Variants in ASXL3 observed in about 807,000 individuals in gnomAD.
The protein encoded by ASXL3 is putative Polycomb group protein ASXL3.
A neutral mutation model predicts 170.6 loss-of-function variants in ASXL3; 34 were observed. That is an observed-to-expected ratio of 0.20 (90% CI 0.15 to 0.27). The LOEUF (loss-of-function observed/expected upper bound fraction) is 0.27, where lower values mean the gene tolerates loss of function less well. Ranked by LOEUF, ASXL3 falls within the 10% of genes least tolerant of loss-of-function variation. The pLI is 1.00. For synonymous variants in ASXL3, 1,002 were observed against 989.1 expected (o/e 1.01, Z -0.24); for missense variants, 2,592 against 2,695.3 (o/e 0.96, Z 0.85).
Position 33,715,811 on chromosome 18 carries a change from C to T in ASXL3, c.880-16157C>T, listed in dbSNP as rs546781306. Among the ~76,000 whole-genome samples the T allele has an allele frequency of 3.9e-5, 6 of 152,014 alleles. No individual in the cohort carries two copies. In the South Asian group the frequency reaches 6.2e-4, roughly 16 times the overall value. ...AATCTTTGAGACATAGGTAAAGAGA[C>T]GAGTGGTAGGTAATAAAGAGAAGGG... On this transcript the variant is annotated intron_variant, in intron 8 of 11. Coordinates refer to ENST00000269197, the MANE Select transcript of ASXL3 (RefSeq NM_030632.3).
chr18:33,643,354 G>C (rs2145196209), intron 2 of ASXL3, among the ~76,000 whole-genome samples: 1 of 151,936 alleles, frequency 6.6e-6, no homozygotes, highest in Admixed American at 6.6e-5. Context: ...AATATTTTGT[G>C]AGAGAAAATA....
At chr18:33,682,430 G>C (rs1276831082) in intron 7 of ASXL3, among the ~76,000 whole-genome samples, 1 of 152,132 alleles carries the variant, frequency 6.6e-6, no homozygotes, top group African/African-American at 2.4e-5. Flanking sequence ...ATTTTCTTGG[G>C]TCTCATGATT....
intron 1 of ASXL3, among the ~76,000 whole-genome samples, chr18:33,605,890 A>G (rs201742554): frequency 4.6e-5 from 7 of 151,340 alleles, no homozygotes; most frequent in African/African-American, 9.7e-5. Context: ...GTCTGTGTCT[A>G]TTGACCTCCT....
At chr18:33,602,059 T>C (rs12103992) in intron 1 of ASXL3, among the ~76,000 whole-genome samples, 28,343 of 151,606 alleles carry the variant, frequency 0.19, 3,168 homozygotes, top group African/African-American at 0.31. Context: ...ACCTGAGCCT[T>C]CCAAATTGTT....
intron 8 of ASXL3, among the ~76,000 whole-genome samples, chr18:33,703,753 G>A (rs2066916483): frequency 6.6e-6 from 1 of 152,088 alleles, no homozygotes; most frequent in Non-Finnish European, 1.5e-5. Flanking sequence ...GAATGGATGG[G>A]TCAGAACTTA....
chr18:33,627,398 G>A (rs1011030653), intron 2 of ASXL3, among the ~76,000 whole-genome samples: 2 of 152,140 alleles, frequency 1.3e-5, no homozygotes, highest in African/African-American at 4.8e-5. Flanking sequence ...AACAGTTTGT[G>A]TAAACTGTGG....
chr18:33,667,735 C>T lies in ASXL3; in HGVS notation c.478-2938C>T, dbSNP rs911748658. 3.9e-5 allele frequency among the ~76,000 whole-genome samples: 6 copies of T among 152,246 alleles called. No individual in the cohort carries two copies. The South Asian group carries it at 1.2e-3, about 32-fold the overall frequency. ...AAGTTACCCTACTTCATCTTTCTGG[C>T]ATAATTTTCTTAGCACTTATATGTG... On this transcript the variant is annotated intron_variant, in intron 5 of 11. Transcript: ENST00000269197.
Position 33,738,995 on chromosome 18 carries a change from A to G in ASXL3, c.1591A>G (p.Thr531Ala), listed in dbSNP as rs201237497. Residue 531 changes from threonine to alanine, a missense_variant, in exon 11 of 12, where the codon ACA becomes GCA. Physicochemically the swap from Thr to Ala is moderately conservative, Grantham distance 58. Transcript: ENST00000269197. ...GKSESPQEEM[T>A]VVIDQLEVCD... ...GTCAGAATCACCCCAGGAAGAAATG[A>G]CAGTTGTTATCGATCAGTTAGAAGT... The G allele has an allele frequency of 1.5e-4, 241 of 1,613,788 alleles. No individual in the cohort carries two copies. Among genetic ancestry groups the G allele is most frequent in the Admixed American group, 8.3e-5 (5 of 59,948 alleles).
At position 33,734,433 on chromosome 18, in the gene ASXL3, T is replaced by C. The variant is rs921187169; in HGVS notation, c.1082+18T>C. 2.7e-6 allele frequency: 4 copies of C among 1,478,312 alleles called. No homozygotes were observed. The South Asian group carries it at 5.0e-5, about 18-fold the overall frequency. 91.6% of individuals were successfully genotyped at this position (1,478,312 alleles called of 1,614,324 possible). ...GGAGAAAAGTAAGTACTAGAGTATT[T>C]TTTCTCATTTCTCTGAGAAAGAAAT... On this transcript the variant is annotated intron_variant, in intron 10 of 11. Coordinates refer to ENST00000269197, the MANE Select transcript of ASXL3 (RefSeq NM_030632.3).
intron 7 of ASXL3, among the ~76,000 whole-genome samples, chr18:33,681,267 C>A (rs1301337129): frequency 6.6e-6 from 1 of 152,014 alleles, no homozygotes; most frequent in Non-Finnish European, 1.5e-5. Context: ...TTACTCATGT[C>A]TATTATTAGT....
intron 10 of ASXL3, among the ~76,000 whole-genome samples, chr18:33,735,434 AT>A (rs1198599789): frequency 6.6e-6 from 1 of 152,196 alleles, no homozygotes; most frequent in Non-Finnish European, 1.5e-5. Context: ...GGATATATAT[AT>A]TTTTAAGCAA....
intron 8 of ASXL3, among the ~76,000 whole-genome samples, chr18:33,709,012 C>T (rs1316410745): frequency 6.6e-6 from 1 of 151,794 alleles, no homozygotes; most frequent in Non-Finnish European, 1.5e-5. Context: ...TCTAAATGGC[C>T]GATAAACATA....
At chr18:33,727,523 T>G (rs1292265554) in intron 8 of ASXL3, among the ~76,000 whole-genome samples, 1 of 152,164 alleles carries the variant, frequency 6.6e-6, no homozygotes, top group Non-Finnish European at 1.5e-5. Context: ...AGTATCTCTA[T>G]GTGAGTAAGT....
Position 33,744,426 on chromosome 18 carries a change from G to A in ASXL3, c.4578G>A (p.Glu1526=), listed in dbSNP as rs2067730230. ...CPQVSVISRP[E]PVANEGIDHS... ...AGGTGTCTGTGATTAGCAGGCCTGA[G>A]CCAGTTGCCAACGAAGGTATAGATC... The change falls in exon 12 of 12, where the codon GAG becomes GAA. Residue 1526 remains glutamate, a synonymous_variant. Transcript: ENST00000269197. The A allele has an allele frequency of 1.2e-6, 2 of 1,613,650 alleles. No homozygotes were observed. The highest frequency in any genetic ancestry group is 1.7e-6 in the Non-Finnish European group (2 of 1,179,822).
chr18:33,646,890 G>A (rs573615484), intron 4 of ASXL3, among the ~76,000 whole-genome samples: 1 of 140,936 alleles, frequency 7.1e-6, no homozygotes, highest in Non-Finnish European at 1.5e-5. Flanking sequence ...CGGGGGGGGG[G>A]GGCATTTTTC....
intron 4 of ASXL3, among the ~76,000 whole-genome samples, chr18:33,658,334 C>G (rs939214174): frequency 1.1e-4 from 16 of 152,052 alleles, no homozygotes; most frequent in Non-Finnish European, 1.9e-4. Context: ...AAAGTGAAAA[C>G]CTTGCATTTT....
At chr18:33,606,976 A>T (rs2065258677) in intron 1 of ASXL3, among the ~76,000 whole-genome samples, 1 of 152,008 alleles carries the variant, frequency 6.6e-6, no homozygotes, top group Admixed American at 6.6e-5. Flanking sequence ...AGAAGAGGAG[A>T]GAAAGAGAAT....
intron 1 of ASXL3, among the ~76,000 whole-genome samples, chr18:33,605,075 A>G (rs1482607826): frequency 6.6e-6 from 1 of 152,080 alleles, no homozygotes; most frequent in South Asian, 2.1e-4. Context: ...TTGTGTAACA[A>G]TAAATAAAAC....
Position 33,749,347 on chromosome 18 carries a change from G to A in ASXL3, c.*2752G>A, listed in dbSNP as rs1451954474. ...TATTATTTACTACATGGTTATTGTG[G>A]TGTAGTGTGCAAATGTTAGCATGTG... On this transcript the variant is annotated 3_prime_UTR_variant, in exon 12 of 12. Coordinates refer to ENST00000269197, the MANE Select transcript of ASXL3 (RefSeq NM_030632.3). The A allele has an allele frequency of 6.6e-6, 1 of 151,998 alleles. No homozygotes were observed. Among genetic ancestry groups the A allele is most frequent in the African/African-American group, 2.4e-5 (1 of 41,366 alleles). 9.4% of individuals were successfully genotyped at this position (151,998 alleles called of 1,614,324 possible).
Sources: gnomAD v4.1 joint callset for allele counts (sites outside exome capture counted in the v4.1 genomes callset) on GRCh38, gnomAD v4.1.1 for gene constraint, MANE v1.5 for transcripts, NCBI Gene and HGNC (gene_info 2026-07-23, HGNC 2026-07-21) for gene names.